PARD3B: variants seen among roughly 807,000 people sequenced by gnomAD.
The protein encoded by PARD3B is par-3 family cell polarity regulator beta.
In PARD3B, 103 loss-of-function variants were observed where a neutral mutation model predicts 130.2. The ratio of observed to expected loss-of-function variants is 0.79; its 90% CI spans 0.67 to 0.93. The LOEUF (loss-of-function observed/expected upper bound fraction) is 0.93. Ranked by LOEUF, PARD3B falls within the 40% of genes least tolerant of loss-of-function variation. The probability of loss-of-function intolerance (pLI) is 0.00; values close to 1 mark genes in which losing one functional copy is unlikely to be tolerated. For synonymous variants in PARD3B, 583 were observed against 553.2 expected (o/e 1.05, Z -0.76); for missense variants, 1,609 against 1,499.2 (o/e 1.07, Z -1.21).
At chr2:205,254,654 A>G (rs1055930604) in intron 16 of PARD3B, among the ~76,000 whole-genome samples, 1 of 148,548 alleles carries the variant, frequency 6.7e-6, no homozygotes, top group Non-Finnish European at 1.5e-5. Flanking sequence ...GAATTTCAGT[A>G]TTTTATTTTA....
At chr2:204,969,554 C>G (rs1026090333) in intron 3 of PARD3B, among the ~76,000 whole-genome samples, 1 of 152,044 alleles carries the variant, frequency 6.6e-6, no homozygotes, top group Non-Finnish European at 1.5e-5. Flanking sequence ...TGTAGGTAAT[C>G]GATATTATTT....
intron 20 of PARD3B, among the ~76,000 whole-genome samples, chr2:205,443,920 C>G (rs1393265587): frequency 6.6e-6 from 1 of 152,176 alleles, no homozygotes; most frequent in African/African-American, 2.4e-5. Context: ...GGGGGAATCA[C>G]TTGAGGCCAG....
At chr2:205,337,918 G>A (rs1285089823) in intron 18 of PARD3B, among the ~76,000 whole-genome samples, 1 of 152,068 alleles carries the variant, frequency 6.6e-6, no homozygotes, top group South Asian at 2.1e-4. Context: ...GGGAGGCCAA[G>A]GCGGGTGGAT....
At chr2:205,043,683 G>T (rs1698544069) in intron 3 of PARD3B, among the ~76,000 whole-genome samples, 1 of 151,964 alleles carries the variant, frequency 6.6e-6, no homozygotes. Flanking sequence ...AGCTTTCCTT[G>T]TACAATATGA....
chr2:205,164,998 A>G (rs983369321), intron 11 of PARD3B, among the ~76,000 whole-genome samples: 1 of 152,160 alleles, frequency 6.6e-6, no homozygotes, highest in Non-Finnish European at 1.5e-5. Flanking sequence ...AAGCAATCTC[A>G]GTATAAGCAA....
At chr2:205,155,002 CCTG>C (rs1363702042) in intron 10 of PARD3B, among the ~76,000 whole-genome samples, 1 of 151,928 alleles carries the variant, frequency 6.6e-6, no homozygotes, top group Non-Finnish European at 1.5e-5. Flanking sequence ...ATGTAACAAA[CCTG>C]CACATTGTGC....
In PARD3B at chr2:205,121,786, A is replaced by G; in HGVS notation, c.1002A>G (p.Thr334=). The G allele has an allele frequency of 6.2e-7, 1 of 1,614,190 alleles. No individual in the cohort carries two copies. Among genetic ancestry groups the G allele is most frequent in the Middle Eastern group, 1.6e-4 (1 of 6,062 alleles). The change falls in exon 8 of 23, where the codon ACA becomes ACG. Residue 334 remains threonine, a synonymous_variant. Transcript: ENST00000406610. The surrounding 1 kb of genome is among the most constrained non-coding windows in gnomAD (Gnocchi z 5.0). ...GKSGLKTANL[T]GTDSPETDAS... is the part of the protein sequence containing the mutation. The stretch of plus-strand genomic sequence containing the variant: ...CGGGACTAAAGACAGCAAATCTCAC[A>G]GGAACCGATAGTCCTGAAACAGATG...
In PARD3B at chr2:205,244,735, G is replaced by C. The variant is rs2039497210; in HGVS notation, c.2141-1043G>C. Among the ~76,000 whole-genome samples, 1 of 151,998 alleles carries C rather than the reference G, an allele frequency of 6.6e-6. No individual in the cohort carries two copies. Among genetic ancestry groups the C allele is most frequent in the African/African-American group, 2.4e-5 (1 of 41,374 alleles). On this transcript the variant is annotated intron_variant, in intron 15 of 22. Coordinates refer to ENST00000406610, the MANE Select transcript of PARD3B (RefSeq NM_001302769.2). This position sits in a 1 kb window ranked among gnomAD's most constrained non-coding sequence, Gnocchi z 4.7. The stretch of plus-strand genomic sequence containing the variant: ...ATGTTATCTAATTCTTCCTATATGA[G>C]CTTCAGTAATTGTGTCTTTTAAAAA...
intron 2 of PARD3B, among the ~76,000 whole-genome samples, chr2:204,937,573 T>A (rs1420182815): frequency 6.6e-6 from 1 of 152,200 alleles, no homozygotes; most frequent in Non-Finnish European, 1.5e-5. Flanking sequence ...AAAAATTATG[T>A]GTGCATATTT....
chr2:204,997,170 A>C (rs116438607), intron 3 of PARD3B, among the ~76,000 whole-genome samples: 1 of 152,186 alleles, frequency 6.6e-6, no homozygotes, highest in African/African-American at 2.4e-5. Context: ...ACTCCGTGAT[A>C]TCTGTCAGGG....
In PARD3B at chr2:204,689,321, C is replaced by A. The variant is rs1049271659; in HGVS notation, c.222+3039C>A. 2.6e-5 allele frequency among the ~76,000 whole-genome samples: 4 copies of A among 152,084 alleles called. No homozygotes were observed. Among genetic ancestry groups the A allele is most frequent in the African/African-American group, 9.7e-5 (4 of 41,414 alleles). ...ACTTGCTTTCCTAGTACAGCTTCCA[C>A]GGGGACCAAGTCTCCACTGTGTTAC... is the stretch of plus-strand genomic sequence containing the variant. On this transcript the variant is annotated intron_variant, in intron 2 of 22. Transcript: ENST00000406610. The surrounding 1 kb of genome is among the most constrained non-coding windows in gnomAD (Gnocchi z 5.2).
rs370628600 is a variant in PARD3B at position 204,965,147 on chromosome 2, T to G, written c.223-5T>G. The G allele has an allele frequency of 6.8e-6, 11 of 1,612,734 alleles. No homozygotes were observed. In the African/African-American group the frequency reaches 1.2e-4, roughly 18 times the overall value. On this transcript the variant is annotated splice_region_variant and splice_polypyrimidine_tract_variant and intron_variant, in intron 2 of 22. Transcript: ENST00000406610. ...AGTAATTAGTGTTGTTGGATTTGTT[T>G]GTAGCTGATTGCTGTGTTTGAAGAA...
chr2:205,306,560 A>G (rs1295095729), intron 18 of PARD3B, among the ~76,000 whole-genome samples: 1 of 152,204 alleles, frequency 6.6e-6, no homozygotes, highest in Admixed American at 6.5e-5. Context: ...TGCCCATAAT[A>G]CAGTGCTGGT....
In PARD3B at chr2:204,907,784, C is replaced by T. The variant is rs1343287760; in HGVS notation, c.223-57368C>T. Reference sequence around the variant, plus strand: ...TGTTGCAATCTTGGCTCACTGCAACCTCCGCCTCCCAGGGTCAAGCAATTC... The same window carrying T: ...TGTTGCAATCTTGGCTCACTGCAACTTCCGCCTCCCAGGGTCAAGCAATTC... On this transcript the variant is annotated intron_variant, in intron 2 of 22. Coordinates refer to ENST00000406610, the MANE Select transcript of PARD3B (RefSeq NM_001302769.2). The surrounding 1 kb of genome is among the most constrained non-coding windows in gnomAD (Gnocchi z 5.7). Among the ~76,000 whole-genome samples, 1 of 151,416 alleles carries T rather than the reference C, an allele frequency of 6.6e-6. No individual in the cohort carries two copies. Among genetic ancestry groups the T allele is most frequent in the African/African-American group, 2.5e-5 (1 of 40,766 alleles).
intron 2 of PARD3B, among the ~76,000 whole-genome samples, chr2:204,735,210 A>G (rs912396238): frequency 5.9e-5 from 9 of 152,030 alleles, no homozygotes; most frequent in Non-Finnish European, 1.2e-4. Flanking sequence ...TCTAATACCC[A>G]TCATTTCCAT....
chr2:205,084,079 A>C (rs548695966), intron 4 of PARD3B, among the ~76,000 whole-genome samples: 1 of 152,212 alleles, frequency 6.6e-6, no homozygotes, highest in East Asian at 1.9e-4. Flanking sequence ...TCCATATTAA[A>C]ACTTATTCAA....
chr2:205,418,279 T>A (rs2046849622), intron 19 of PARD3B, among the ~76,000 whole-genome samples: 1 of 152,202 alleles, frequency 6.6e-6, no homozygotes, highest in Non-Finnish European at 1.5e-5. Flanking sequence ...AGATATCTTC[T>A]GCTATGATTC....
At chr2:205,476,488 G>A (rs1293306179) in intron 20 of PARD3B, among the ~76,000 whole-genome samples, 1 of 152,114 alleles carries the variant, frequency 6.6e-6, no homozygotes, top group African/African-American at 2.4e-5. Flanking sequence ...CTGTAGCAGT[G>A]AATGTGGATT....
intron 1 of PARD3B, among the ~76,000 whole-genome samples, chr2:204,572,786 G>C (rs963449744): frequency 6.6e-6 from 1 of 152,124 alleles, no homozygotes; most frequent in Non-Finnish European, 1.5e-5. Context: ...TGGCAAACGT[G>C]TCAGAAACTT....
Sources: allele counts gnomAD v4.1 joint callset (sites outside exome capture counted in the v4.1 genomes callset), GRCh38; gene constraint gnomAD v4.1.1; non-coding constraint Gnocchi (gnomAD v3.1); transcripts MANE v1.5; gene names NCBI Gene and HGNC (gene_info 2026-07-23, HGNC 2026-07-21).